CBLB: variants seen among roughly 807,000 people sequenced by gnomAD.
CBLB encodes the protein Cbl proto-oncogene B, also known as E3 ubiquitin-protein ligase CBL-B.
In CBLB, 31 loss-of-function variants were observed where a neutral mutation model predicts 104.9. The observed-to-expected ratio is 0.30, with a 90% confidence interval of 0.22 to 0.40. The LOEUF is 0.40. Ranked by LOEUF, CBLB falls within the 10% of genes least tolerant of loss-of-function variation. The pLI is 1.00. For synonymous variants in CBLB, 440 were observed against 422.6 expected (o/e 1.04, Z -0.51); for missense variants, 1,062 against 1,214.6 (o/e 0.87, Z 1.87).
At chr3:105,711,228 T>A (rs1173160834) in intron 10 of CBLB, among the ~76,000 whole-genome samples, 1 of 151,968 alleles carries the variant, frequency 6.6e-6, no homozygotes, top group East Asian at 1.9e-4. Flanking sequence ...TTTTACTTAA[T>A]GAATTTCCAT....
Position 105,669,465 on chromosome 3 carries a change from T to C in CBLB, c.2689+768A>G, listed in dbSNP as rs531978615. Reference sequence around the variant, plus strand: ...TTCCAGAACTGTGAGATATAAATGTTTGCTGTTTAGGCAATCCAGTCTATG... The same window carrying C: ...TTCCAGAACTGTGAGATATAAATGTCTGCTGTTTAGGCAATCCAGTCTATG... On this transcript the variant is annotated intron_variant, in intron 18 of 18. Coordinates refer to ENST00000394030, the MANE Select transcript of CBLB (RefSeq NM_170662.5). Among the ~76,000 whole-genome samples, 19 of 152,270 alleles carry C rather than the reference T, an allele frequency of 1.2e-4. No homozygotes were observed. The East Asian group carries it at 3.3e-3, about 26-fold the overall frequency.
At chr3:105,837,144 G>A (rs544810152) in intron 3 of CBLB, among the ~76,000 whole-genome samples, 1 of 152,152 alleles carries the variant, frequency 6.6e-6, no homozygotes, top group Non-Finnish European at 1.5e-5. Context: ...AAGGAATTCC[G>A]TCAACAAGGA....
At chr3:105,756,055 CA>C (rs1466697753) in intron 4 of CBLB, among the ~76,000 whole-genome samples, 2 of 152,080 alleles carry the variant, frequency 1.3e-5, no homozygotes, top group Admixed American at 1.3e-4. Context: ...TAAGTGATTT[CA>C]AAAATATATT....
At chr3:105,698,140 C>A (rs1160764700) in intron 12 of CBLB, among the ~76,000 whole-genome samples, 4 of 151,872 alleles carry the variant, frequency 2.6e-5, no homozygotes. Context: ...TAAAGTATTA[C>A]CTTGGCTAGC....
In CBLB at chr3:105,828,400, A is replaced by C. The variant is rs184788560; in HGVS notation, c.419+25014T>G. Among the ~76,000 whole-genome samples, 5 of 152,362 alleles carry C rather than the reference A, an allele frequency of 3.3e-5. No individual in the cohort carries two copies. The East Asian group carries it at 9.6e-4, about 29-fold the overall frequency. Reference sequence around the variant, plus strand: ...CAATCTTTAATACAGATGTCAAAGGAAACGACAAAACAATTTTCATTAAAT... The same window carrying C: ...CAATCTTTAATACAGATGTCAAAGGCAACGACAAAACAATTTTCATTAAAT... On this transcript the variant is annotated intron_variant, in intron 3 of 18. Transcript: ENST00000394030.
chr3:105,802,508 C>A (rs2083007664), intron 3 of CBLB, among the ~76,000 whole-genome samples: 1 of 152,194 alleles, frequency 6.6e-6, no homozygotes, highest in African/African-American at 2.4e-5. Context: ...CTGGAAGTCC[C>A]ATACACTAAT....
At chr3:105,818,047 C>T (rs2085309281) in intron 3 of CBLB, among the ~76,000 whole-genome samples, 1 of 152,044 alleles carries the variant, frequency 6.6e-6, no homozygotes, top group South Asian at 2.1e-4. Flanking sequence ...TCCAGAAATC[C>T]ATGTGCTTTC....
chr3:105,747,497 G>A (rs1270514167), intron 5 of CBLB, among the ~76,000 whole-genome samples: 2 of 152,026 alleles, frequency 1.3e-5, no homozygotes, highest in African/African-American at 4.8e-5. Context: ...AACATAACAA[G>A]AAAAATCTTT....
At chr3:105,736,093 TAAAAA>T (rs915897985) in intron 8 of CBLB, among the ~76,000 whole-genome samples, 1 of 152,154 alleles carries the variant, frequency 6.6e-6, no homozygotes, top group Non-Finnish European at 1.5e-5. Context: ...TCTACTGTCT[TAAAAA>T]AAGCTGTAAT....
chr3:105,819,498 A>C (rs1473787831), intron 3 of CBLB, among the ~76,000 whole-genome samples: 1 of 152,102 alleles, frequency 6.6e-6, no homozygotes, highest in African/African-American at 2.4e-5. Flanking sequence ...CAAAAAAAAA[A>C]AAAGAAAGAA....
intron 14 of CBLB, among the ~76,000 whole-genome samples, chr3:105,683,397 A>G (rs1231516644): frequency 1.3e-5 from 2 of 152,230 alleles, no homozygotes; most frequent in Non-Finnish European, 2.9e-5. Context: ...AGGGATTATC[A>G]ACGTTTATTA....
At chr3:105,841,821 T>C (rs2089591278) in intron 3 of CBLB, among the ~76,000 whole-genome samples, 1 of 152,086 alleles carries the variant, frequency 6.6e-6, no homozygotes, top group African/African-American at 2.4e-5. Flanking sequence ...TAAGTAGCAT[T>C]CAAAACTGAG....
At position 105,664,182 on chromosome 3, in the gene CBLB, A is replaced by G. The variant is rs550784829; in HGVS notation, c.2690-4953T>C. 1.4e-4 allele frequency among the ~76,000 whole-genome samples: 21 copies of G among 152,266 alleles called. No homozygotes were observed. The South Asian group carries it at 4.1e-3, about 30-fold the overall frequency. On this transcript the variant is annotated intron_variant, in intron 18 of 18. Transcript: ENST00000394030. ...ATTTTCCCATTTTCTATTATACTGGATCATGTTCAACAATAAATATAACAC... is the reference window on the plus strand; with the variant it reads ...ATTTTCCCATTTTCTATTATACTGGGTCATGTTCAACAATAAATATAACAC...
upstream of CBLB, chr3:105,869,036 G>C (rs1391984512): frequency 2.0e-6 from 2 of 993,152 alleles, no homozygotes; most frequent in Non-Finnish European, 2.5e-6. Context: ...GGCACACACA[G>C]GACCCAGGCT....
intron 3 of CBLB, among the ~76,000 whole-genome samples, chr3:105,792,181 A>G (rs912858361): frequency 6.6e-6 from 1 of 152,174 alleles, no homozygotes; most frequent in Non-Finnish European, 1.5e-5. Flanking sequence ...TAATGTCTGA[A>G]AGCACTGGTT....
At chr3:105,730,233 A>G (rs1483005075) in intron 9 of CBLB, among the ~76,000 whole-genome samples, 1 of 152,110 alleles carries the variant, frequency 6.6e-6, no homozygotes, top group Non-Finnish European at 1.5e-5. Context: ...ACATGGTTCA[A>G]GAATGGGTGG....
chr3:105,768,072 T>G lies in CBLB; in HGVS notation c.566+8324A>C, dbSNP rs1255097558. Among the ~76,000 whole-genome samples the G allele has an allele frequency of 3.3e-5, 5 of 152,232 alleles. 1 individual carries two copies. In the East Asian group the frequency reaches 9.6e-4, roughly 29 times the overall value. ...CTGAAAGCCTGTATATAAAACATTGTGCTGAGCTACTTTAGAAATACAAAG... is the reference window on the plus strand; with the variant it reads ...CTGAAAGCCTGTATATAAAACATTGGGCTGAGCTACTTTAGAAATACAAAG... On this transcript the variant is annotated intron_variant, in intron 4 of 18. Transcript: ENST00000394030.
chr3:105,819,570 T>G (rs2153054689), intron 3 of CBLB, among the ~76,000 whole-genome samples: 1 of 152,244 alleles, frequency 6.6e-6, no homozygotes. Context: ...TCCTCAAAAG[T>G]GACAAGTAGT....
intron 9 of CBLB, among the ~76,000 whole-genome samples, chr3:105,731,644 G>C (rs1433619737): frequency 1.3e-5 from 2 of 152,186 alleles, no homozygotes; most frequent in East Asian, 1.9e-4. Context: ...ATAGAGACGG[G>C]GTCTCCTTAT....
Sources: allele counts gnomAD v4.1 joint callset (sites outside exome capture counted in the v4.1 genomes callset), GRCh38; gene constraint gnomAD v4.1.1; transcripts MANE v1.5; gene names NCBI Gene and HGNC (gene_info 2026-07-23, HGNC 2026-07-21).